The following CACNA2D3 variants were observed in gnomAD, a reference collection of about 807,000 sequenced individuals.
CACNA2D3 encodes voltage-dependent calcium channel subunit alpha-2/delta-3.
CACNA2D3 carries 60 observed loss-of-function variants against 160.6 expected under a neutral mutation model. The ratio of observed to expected loss-of-function variants is 0.37; its 90% CI spans 0.30 to 0.46. The LOEUF (loss-of-function observed/expected upper bound fraction) is 0.46. CACNA2D3 is among the 20% of genes least tolerant of loss of function. The pLI is 1.00. For missense variants in CACNA2D3, 1,205 were observed against 1,365.0 expected, an observed-to-expected ratio of 0.88 and a Z score of 1.85; for synonymous variants, 558 against 492.9, an observed-to-expected ratio of 1.13 and a Z score of -1.75.
At chr3:54,188,284 A>G (rs1004760647) in intron 2 of CACNA2D3, among the ~76,000 whole-genome samples, 1 of 151,860 alleles carries the variant, frequency 6.6e-6, no homozygotes, top group African/African-American at 2.4e-5. Context: ...AACCAGTAGC[A>G]GGAGAGGCTG....
chr3:54,340,658 C>T (rs1704498006), intron 3 of CACNA2D3, among the ~76,000 whole-genome samples: 1 of 152,176 alleles, frequency 6.6e-6, no homozygotes, highest in Non-Finnish European at 1.5e-5. Flanking sequence ...TGTAATGTGA[C>T]TGGTGAAGTG....
intron 4 of CACNA2D3, among the ~76,000 whole-genome samples, chr3:54,448,493 C>T (rs539346880): frequency 7.9e-5 from 12 of 152,288 alleles, no homozygotes; most frequent in East Asian, 7.7e-4. Context: ...TTCCCCCAAA[C>T]GAAAGTAGGA....
At chr3:54,544,589 G>A (rs1427329141) in intron 5 of CACNA2D3, among the ~76,000 whole-genome samples, 1 of 151,830 alleles carries the variant, frequency 6.6e-6, no homozygotes, top group Non-Finnish European at 1.5e-5. Flanking sequence ...TAGGGATGGG[G>A]GTCTCACTAT....
intron 4 of CACNA2D3, among the ~76,000 whole-genome samples, chr3:54,439,148 TG>T (rs1163149161): frequency 6.6e-6 from 1 of 152,164 alleles, no homozygotes; most frequent in East Asian, 1.9e-4. Flanking sequence ...CTATGGCAGT[TG>T]GGGGTGCCCA....
intron 2 of CACNA2D3, among the ~76,000 whole-genome samples, chr3:54,170,374 C>T (rs1254945666): frequency 1.3e-5 from 2 of 151,958 alleles, no homozygotes; most frequent in Non-Finnish European, 2.9e-5. Flanking sequence ...TTTGTTGATT[C>T]CCAGTACAAA....
At chr3:54,859,506 C>T (rs933802017) in intron 17 of CACNA2D3, among the ~76,000 whole-genome samples, 2 of 152,216 alleles carry the variant, frequency 1.3e-5, no homozygotes, top group African/African-American at 4.8e-5. Context: ...AAGGTTTTTG[C>T]TGAAACTTCT....
intron 35 of CACNA2D3, among the ~76,000 whole-genome samples, chr3:55,022,482 T>C (rs1473638978): frequency 6.6e-6 from 1 of 152,086 alleles, no homozygotes; most frequent in African/African-American, 2.4e-5. Context: ...ATTTCTACCA[T>C]CATTTTATAT....
At chr3:54,475,885 G>C (rs968827281) in intron 4 of CACNA2D3, among the ~76,000 whole-genome samples, 2 of 142,538 alleles carry the variant, frequency 1.4e-5, no homozygotes, top group Non-Finnish European at 3.0e-5. Context: ...CAAATTTCAG[G>C]TATTCAGTGC....
At chr3:54,343,739 C>G (rs541828531) in intron 3 of CACNA2D3, among the ~76,000 whole-genome samples, 40 of 152,298 alleles carry the variant, frequency 2.6e-4, no homozygotes, top group African/African-American at 9.1e-4. Flanking sequence ...CTCTACCCCC[C>G]ACAGCCCAAG....
chr3:54,724,832 T>C lies in CACNA2D3; in HGVS notation c.1168-27767T>C, dbSNP rs192432276. 2.2e-3 allele frequency among the ~76,000 whole-genome samples: 333 copies of C among 152,254 alleles called. 3 individuals are homozygous for C. Among genetic ancestry groups the C allele is most frequent in the Non-Finnish European group, 2.2e-3 (152 of 68,032 alleles). ...AAGAGAAAGCAGGAAAGATCTAAAA[T>C]TGACACGCTAATATCAAAATTGAAC... On this transcript the variant is annotated intron_variant, in intron 11 of 37. Transcript: ENST00000474759.
chr3:54,307,578 A>C (rs55759721), intron 2 of CACNA2D3, among the ~76,000 whole-genome samples: 2 of 152,158 alleles, frequency 1.3e-5, no homozygotes, highest in Non-Finnish European at 2.9e-5. Context: ...CTCTTCCCCA[A>C]TGAAAAGCTA....
intron 14 of CACNA2D3, among the ~76,000 whole-genome samples, chr3:54,834,798 A>G (rs1460113897): frequency 6.6e-6 from 1 of 152,204 alleles, no homozygotes; most frequent in African/African-American, 2.4e-5. Context: ...GGGGCTGGCA[A>G]GTCTGAAATC....
chr3:54,349,743 G>A (rs528356181), intron 3 of CACNA2D3, among the ~76,000 whole-genome samples: 30 of 152,190 alleles, frequency 2.0e-4, no homozygotes, highest in African/African-American at 6.7e-4. Context: ...GCCCATCTTG[G>A]CTTTCTCAGG....
chr3:54,278,093 A>C (rs562577484), intron 2 of CACNA2D3, among the ~76,000 whole-genome samples: 6 of 152,336 alleles, frequency 3.9e-5, no homozygotes, highest in Admixed American at 6.5e-5. Context: ...CATTCTATCC[A>C]TCTGACAAAG....
At chr3:54,343,562 G>T (rs964035223) in intron 3 of CACNA2D3, among the ~76,000 whole-genome samples, 1 of 152,152 alleles carries the variant, frequency 6.6e-6, no homozygotes. Flanking sequence ...GCGACTACAG[G>T]CATGCACCAC....
intron 10 of CACNA2D3, chr3:54,638,056 G>A (rs1158593164): frequency 6.6e-6 from 1 of 152,010 alleles, no homozygotes; most frequent in Non-Finnish European, 1.5e-5. Context: ...TGGAGGCAAG[G>A]AATTGCAACT....
At chr3:54,459,233 T>G (rs201549853) in intron 4 of CACNA2D3, among the ~76,000 whole-genome samples, 2 of 151,870 alleles carry the variant, frequency 1.3e-5, no homozygotes, top group African/African-American at 2.4e-5. Context: ...AATAAACATA[T>G]GTGTGCATGT....
At chr3:54,750,125 G>C (rs1701830653) in intron 11 of CACNA2D3, among the ~76,000 whole-genome samples, 1 of 152,210 alleles carries the variant, frequency 6.6e-6, no homozygotes, top group Admixed American at 6.5e-5. Flanking sequence ...TAGAAGTTTT[G>C]CTGGTGATTC....
chr3:54,832,005 T>C (rs1703888363), intron 14 of CACNA2D3, among the ~76,000 whole-genome samples: 3 of 81,690 alleles, frequency 3.7e-5, no homozygotes, highest in East Asian at 3.4e-4. Context: ...ATCTCTCTCT[T>C]CTCTGTCACA....
Sources: allele counts gnomAD v4.1 joint callset (sites outside exome capture counted in the v4.1 genomes callset), GRCh38; gene constraint gnomAD v4.1.1; transcripts MANE v1.5; gene names NCBI Gene and HGNC (gene_info 2026-07-23, HGNC 2026-07-21).